Variants in TCN2 observed in about 807,000 individuals in gnomAD.
The protein encoded by TCN2 is transcobalamin 2, also known as transcobalamin-2.
Under a neutral mutation model 48.6 loss-of-function variants are expected in TCN2, and 34 were observed. The ratio of observed to expected loss-of-function variants is 0.70; its 90% confidence interval spans 0.53 to 0.93. The LOEUF is 0.93. Ranked by LOEUF, TCN2 falls within the 40% of genes least tolerant of loss-of-function variation. TCN2 has a pLI of 0.00. For missense variants in TCN2, 652 were observed against 526.1 expected, an observed-to-expected ratio of 1.24 and a Z score of -2.34; for synonymous variants, 283 against 212.5, an observed-to-expected ratio of 1.33 and a Z score of -2.89.
chr22:30,612,427 G>A lies in TCN2; in HGVS notation c.258-446G>A, dbSNP rs554964395. Among the ~76,000 whole-genome samples, 14 of 152,232 alleles carry A rather than the reference G, an allele frequency of 9.2e-5. No homozygotes were observed. In the East Asian group the frequency reaches 2.7e-3, roughly 29 times the overall value. ...TAGCCAAGGGTGGTGGTGGGCAACTGTAATCCCAGCTACTTGGGAGGCCGA... is the reference window on the plus strand; with the variant it reads ...TAGCCAAGGGTGGTGGTGGGCAACTATAATCCCAGCTACTTGGGAGGCCGA... On this transcript the variant is annotated intron_variant, in intron 2 of 8. Transcript: ENST00000215838.
intron 7 of TCN2, among the ~76,000 whole-genome samples, chr22:30,620,794 A>G (rs1039645493): frequency 6.6e-6 from 1 of 152,210 alleles, no homozygotes; most frequent in African/African-American, 2.4e-5. Context: ...AACTGGGTTC[A>G]GGCATGAAGA....
chr22:30,613,660 C>T (rs1236222518), intron 3 of TCN2, among the ~76,000 whole-genome samples: 1 of 152,172 alleles, frequency 6.6e-6, no homozygotes, highest in Non-Finnish European at 1.5e-5. Flanking sequence ...CTGCTTATGA[C>T]TTACGCCATA....
chr22:30,617,970 C>T (rs2087639347), intron 7 of TCN2, among the ~76,000 whole-genome samples: 1 of 152,122 alleles, frequency 6.6e-6, no homozygotes, highest in Non-Finnish European at 1.5e-5. Flanking sequence ...GACAGGGTCT[C>T]AATCTTATCA....
intron 4 of TCN2, among the ~76,000 whole-genome samples, chr22:30,614,766 G>A (rs754030835): frequency 3.3e-5 from 5 of 152,078 alleles, no homozygotes; most frequent in African/African-American, 4.8e-5. Flanking sequence ...AAAGTTAGCC[G>A]GGCATGGTGG....
Position 30,612,983 on chromosome 22 carries a change from AG to A in TCN2, c.373del (p.Asp125ThrfsTer82). Reference protein sequence around the residue: ...RANCEFVRGHKGDRLVSQLKW... With the variant: ...RANCEFVRGHXGDRLVSQLKW... ...AACTGTGAGTTTGTCAGGGGCCACA[AG>A]GGGGACAGGCTGGTCTCACAGCTCA... is the stretch of plus-strand genomic sequence containing the variant. On this transcript the variant is annotated frameshift_variant, in exon 3 of 9. Coordinates refer to ENST00000215838, the MANE Select transcript of TCN2 (RefSeq NM_000355.4). LOFTEE classifies it high-confidence loss of function. The A allele has an allele frequency of 6.2e-7, 1 of 1,614,188 alleles. No individual in the cohort carries two copies. The highest frequency in any genetic ancestry group is 2.2e-5 in the East Asian group (1 of 44,882).
At chr22:30,624,262 C>T (rs910776711) in intron 8 of TCN2, among the ~76,000 whole-genome samples, 7 of 151,198 alleles carry the variant, frequency 4.6e-5, no homozygotes, top group East Asian at 1.9e-4. Context: ...TTAGTAGAGA[C>T]GGGGTTTCAC....
At chr22:30,609,801 T>C in intron 1 of TCN2, among the ~76,000 whole-genome samples, 1 of 152,030 alleles carries the variant, frequency 6.6e-6, no homozygotes, top group Non-Finnish European at 1.5e-5. Flanking sequence ...CAGCAAAGGA[T>C]TATGTAGGGT....
rs529354366 is a variant in TCN2, at chr22:30,614,436, A to G, written c.515A>G (p.His172Arg). Residue 172 changes from histidine to arginine, a missense_variant, in exon 4 of 9, where the codon CAT (histidine) becomes CGT (arginine). Transcript: ENST00000215838. ...CTGTGTCTCCACCAGAAGCGGGTCC[A>G]TGACAGCGTGGTGGACAAACTTCTG... The part of the protein sequence containing the change: ...LALCLHQKRV[H>R]DSVVDKLLYA... The G allele has an allele frequency of 3.1e-6, 5 of 1,614,172 alleles. No homozygotes were observed. The highest frequency in any genetic ancestry group is 2.2e-5 in the East Asian group (1 of 44,878).
intron 7 of TCN2, 66 bp from the exon 8 acceptor site, chr22:30,622,902 G>T (rs1220803007): frequency 2.0e-6 from 3 of 1,537,060 alleles, no homozygotes; most frequent in East Asian, 2.2e-5. Context: ...CTGTGGGTGA[G>T]CACTGCCTCT....
chr22:30,616,673 C>G (rs762973261), intron 6 of TCN2, among the ~76,000 whole-genome samples: 3 of 151,908 alleles, frequency 2.0e-5, no homozygotes, highest in Non-Finnish European at 2.9e-5. Context: ...TGGTGGTAGA[C>G]ACCTATAATC....
chr22:30,624,197 C>T (rs1602057732), intron 8 of TCN2, among the ~76,000 whole-genome samples: 2 of 151,488 alleles, frequency 1.3e-5, no homozygotes, highest in African/African-American at 2.4e-5. Context: ...GCCTCAGCCT[C>T]CCAAGTAGCT....
intron 3 of TCN2, 27 bp from the exon 4 acceptor site, chr22:30,614,322 C>T (rs1240562674): frequency 1.2e-6 from 2 of 1,612,750 alleles, no homozygotes; most frequent in African/African-American, 1.3e-5. Context: ...GGCAGAGAGG[C>T]AACCCCTCTG....
chr22:30,623,242 C>G (rs1053081823), intron 8 of TCN2, 159 bp downstream of exon 8: 7 of 617,310 alleles, frequency 1.1e-5, no homozygotes, highest in Middle Eastern at 4.4e-4. Context: ...TGAACTGAAG[C>G]CTTAGAATTT....
In TCN2 at chr22:30,624,061, C is replaced by CATAT. The variant is rs754547042; in HGVS notation, c.1222+995_1222+998dup. On this transcript the variant is annotated intron_variant, in intron 8 of 8. Transcript: ENST00000215838. ...ACATATATACACACACACACACACACATATATATATATATATATATTTTTT... is the reference window on the plus strand; with the variant it reads ...ACATATATACACACACACACACACACATATATATATATATATATATATATTTTTT... 3.6e-4 allele frequency among the ~76,000 whole-genome samples: 5 copies of CATAT among 14,006 alleles called. 2 individuals are homozygous for CATAT. The highest frequency in any genetic ancestry group is 6.4e-4 in the Non-Finnish European group (5 of 7,832). 9.2% of individuals were successfully genotyped at this position (14,006 alleles called of 152,430 possible). A position where few individuals can be genotyped will look rare whatever the true frequency, so the allele number is the denominator to read the frequency against.
At chr22:30,621,473 TTTTG>T (rs1300589638) in intron 7 of TCN2, among the ~76,000 whole-genome samples, 2 of 118,564 alleles carry the variant, frequency 1.7e-5, no homozygotes, top group African/African-American at 3.0e-5. Flanking sequence ...ATTTGTTGTT[TTTTG>T]TTTGTTTGCT....
In TCN2 at chr22:30,623,761, T is replaced by C. The variant is rs796995832; in HGVS notation, c.1222+678T>C. Among the ~76,000 whole-genome samples the C allele has an allele frequency of 3.0e-4, 11 of 36,258 alleles. 4 individuals are homozygous for C. Among genetic ancestry groups the C allele is most frequent in the African/African-American group, 5.3e-4 (4 of 7,554 alleles). The allele number at this position is 36,258 out of a possible 152,430, so 23.8% of individuals were successfully genotyped here. A position where few individuals can be genotyped will look rare whatever the true frequency, so the allele number is the denominator to read the frequency against. On this transcript the variant is annotated intron_variant, in intron 8 of 8. Transcript: ENST00000215838. The stretch of plus-strand genomic sequence containing the variant: ...ATATATATACACACATATATATGTA[T>C]ATATATATACACACATATATATGTA...
At chr22:30,623,411 G>A (rs1469194617) in intron 8 of TCN2, 2 of 263,594 alleles carry the variant, frequency 7.6e-6, no homozygotes, top group South Asian at 4.0e-5. Flanking sequence ...GGAGTGCAGC[G>A]GTATGATCTC....
rs181016302 is a variant in TCN2, at chr22:30,619,251, A to T, written c.1106+1756A>T. 4.9e-3 allele frequency among the ~76,000 whole-genome samples: 752 copies of T among 152,122 alleles called. 2 individuals carry two copies. Among genetic ancestry groups the T allele is most frequent in the African/African-American group, 0.016 (658 of 41,482 alleles). On this transcript the variant is annotated intron_variant, in intron 7 of 8. Transcript: ENST00000215838. ...CACCACGCTTGGCAAATATTTTTTT[A>T]AAATTTTTTGTAGACATGGGATTGC... is the stretch of plus-strand genomic sequence containing the variant.
Position 30,614,490 on chromosome 22 carries a change from A to G in TCN2, c.569A>G (p.His190Arg), listed in dbSNP as rs781440675. ...LYAVEPFHQG[H>R]HSVDTAAMAG... ...GCTGTGGAACCTTTCCACCAGGGCC[A>G]CCATTCTGTGGGTGAGTAGGTCAGA... The change falls in exon 4 of 9, where the codon CAC becomes CGC. Residue 190 changes from histidine (H) to arginine (R), a missense_variant. By Grantham distance (29) the His-to-Arg change is conservative. Coordinates refer to ENST00000215838, the MANE Select transcript of TCN2 (RefSeq NM_000355.4). The G allele has an allele frequency of 6.2e-7, 1 of 1,614,140 alleles. No homozygotes were observed. Among genetic ancestry groups the G allele is most frequent in the Non-Finnish European group, 8.5e-7 (1 of 1,180,018 alleles).
Sources: allele counts gnomAD v4.1 joint callset (sites outside exome capture counted in the v4.1 genomes callset), GRCh38; gene constraint gnomAD v4.1.1; transcripts MANE v1.5; gene names NCBI Gene and HGNC (gene_info 2026-07-23, HGNC 2026-07-21).